CAPN8: variants seen among roughly 807,000 people sequenced by gnomAD.
The protein encoded by CAPN8 is calpain-8.
In CAPN8, 87 loss-of-function variants were observed where a neutral mutation model predicts 80.9. The observed-to-expected ratio is 1.07, with a 90% CI of 0.90 to 1.28. The LOEUF is 1.28. Ranked by LOEUF, CAPN8 falls within the 50% of genes most tolerant of loss-of-function variation. CAPN8 has a pLI of 0.00. For synonymous variants in CAPN8, 299 were observed against 273.8 expected (o/e 1.09, Z -0.91); for missense variants, 757 against 702.0 (o/e 1.08, Z -0.89).
At chr1:223,632,485 A>G (rs1039557870) in intron 2 of CAPN8, among the ~76,000 whole-genome samples, 2 of 151,926 alleles carry the variant, frequency 1.3e-5, no homozygotes, top group African/African-American at 4.8e-5. Context: ...CAGTCCTCCC[A>G]CCTCAGCCTC....
At chr1:223,637,969 A>G (rs1411611696) in intron 2 of CAPN8, among the ~76,000 whole-genome samples, 1 of 152,168 alleles carries the variant, frequency 6.6e-6, no homozygotes, top group Non-Finnish European at 1.5e-5. Context: ...AGCAAAAAGG[A>G]CTTACTTGTA....
chr1:223,616,563 T>C (rs1049591138), intron 9 of CAPN8, among the ~76,000 whole-genome samples: 80 of 152,232 alleles, frequency 5.3e-4, no homozygotes, highest in African/African-American at 1.8e-3. Context: ...GATCTCTGGG[T>C]AAAAAGCATG....
At chr1:223,639,089 A>G (rs1657981212) in intron 2 of CAPN8, among the ~76,000 whole-genome samples, 1 of 151,978 alleles carries the variant, frequency 6.6e-6, no homozygotes, top group African/African-American at 2.4e-5. Flanking sequence ...AAAATACAAA[A>G]ATTAGCTGGA....
intron 12 of CAPN8, among the ~76,000 whole-genome samples, chr1:223,558,822 G>T (rs931955919): frequency 5.9e-4 from 88 of 149,580 alleles, no homozygotes; most frequent in Middle Eastern, 3.4e-3. Flanking sequence ...TAGTATGTGT[G>T]CTGCATGTGT....
chr1:223,664,820 T>A (rs553069341), intron 1 of CAPN8, among the ~76,000 whole-genome samples: 3 of 152,252 alleles, frequency 2.0e-5, no homozygotes, highest in African/African-American at 7.2e-5. Flanking sequence ...GTGCCTATAA[T>A]CCCAGCTACT....
At chr1:223,615,847 G>A (rs1029514753) in intron 10 of CAPN8, 123 bp downstream of exon 10, 2 of 1,219,144 alleles carry the variant, frequency 1.6e-6, no homozygotes, top group African/African-American at 1.5e-5. Flanking sequence ...ATATAGAGGA[G>A]CAAGGACGCT....
chr1:223,658,073 C>T (rs1055264410), intron 1 of CAPN8, among the ~76,000 whole-genome samples: 1 of 152,282 alleles, frequency 6.6e-6, no homozygotes, highest in Admixed American at 6.5e-5. Context: ...GTCCTCAACC[C>T]TCTGAGATTA....
At chr1:223,626,146 A>G (rs1657570441) in intron 5 of CAPN8, among the ~76,000 whole-genome samples, 1 of 152,050 alleles carries the variant, frequency 6.6e-6, no homozygotes, top group Non-Finnish European at 1.5e-5. Flanking sequence ...CCACCAAGAA[A>G]CTGGGAAGTC....
chr1:223,658,104 A>T (rs1267251112), intron 1 of CAPN8, among the ~76,000 whole-genome samples: 1 of 152,158 alleles, frequency 6.6e-6, no homozygotes. Flanking sequence ...TACAGCAGTA[A>T]CACCCCTAAG....
At chr1:223,544,266 C>A in intron 18 of CAPN8, 83 bp from the exon 19 acceptor site, 1 of 684,244 alleles carries the variant, frequency 1.5e-6, no homozygotes, top group Non-Finnish European at 2.7e-6. Context: ...GCTGACATCC[C>A]AGGGGCCCCT....
At chr1:223,640,735 G>A (rs766173782) in intron 2 of CAPN8, among the ~76,000 whole-genome samples, 8 of 152,044 alleles carry the variant, frequency 5.3e-5, no homozygotes, top group Non-Finnish European at 7.3e-5. Flanking sequence ...CATCATCCAG[G>A]AGCAGTAATT....
chr1:223,657,928 C>A (rs1658542642), intron 1 of CAPN8, among the ~76,000 whole-genome samples: 1 of 152,010 alleles, frequency 6.6e-6, no homozygotes, highest in Non-Finnish European at 1.5e-5. Flanking sequence ...TTGGCTATTC[C>A]CTCTCTGAAA....
intron 6 of CAPN8, among the ~76,000 whole-genome samples, chr1:223,624,007 A>G (rs1657484934): frequency 6.7e-6 from 1 of 150,120 alleles, no homozygotes; most frequent in African/African-American, 2.5e-5. Flanking sequence ...TGAAAAAAAA[A>G]AAAAAGAAAA....
At chr1:223,557,924 G>A (rs948508066) in intron 13 of CAPN8, among the ~76,000 whole-genome samples, 1 of 152,168 alleles carries the variant, frequency 6.6e-6, no homozygotes, top group Non-Finnish European at 1.5e-5. Flanking sequence ...CCTCCCCCAG[G>A]GGGTAGGGAT....
At chr1:223,650,052 C>G (rs768523209) in intron 2 of CAPN8, among the ~76,000 whole-genome samples, 53 of 152,320 alleles carry the variant, frequency 3.5e-4, no homozygotes, top group African/African-American at 1.2e-3. Flanking sequence ...ACCAAGAAGA[C>G]TACCCGTGCA....
chr1:223,661,499 G>A (rs769654666), intron 1 of CAPN8, among the ~76,000 whole-genome samples: 1 of 152,050 alleles, frequency 6.6e-6, no homozygotes, highest in African/African-American at 2.4e-5. Flanking sequence ...GCATTGTTAC[G>A]AGTGCCTGTA....
rs1657371589 is a variant in CAPN8 at position 223,620,963 on chromosome 1, T to A, written c.900-697A>T. On this transcript the variant is annotated intron_variant, in intron 7 of 20. Transcript: ENST00000366872. ...AGTAACAGAGCAGTATCAAGATCCA[T>A]CTTTAAAAAAAAAAAAATCCCTGCC... Among the ~76,000 whole-genome samples, 4 of 72,062 alleles carry A rather than the reference T, an allele frequency of 5.6e-5. No individual in the cohort carries two copies. The South Asian group carries it at 1.9e-3, about 33-fold the overall frequency. The allele number at this position is 72,062 out of a possible 152,430, so 47.3% of individuals were successfully genotyped here.
Position 223,616,018 on chromosome 1 carries a change from C to T in CAPN8, c.1263G>A (p.Arg421=). The T allele has an allele frequency of 6.4e-7, 1 of 1,552,308 alleles. No individual in the cohort carries two copies. The highest frequency in any genetic ancestry group is 8.7e-7 in the Non-Finnish European group (1 of 1,147,136). ...TAAGCATGCCTTGTCCTATCCGCTT[C>T]CGCCACCTGCGATTTTTCTGCATCA... The part of the protein sequence containing the change: ...LGLMQKNRRW[R]KRIGQGMLSI... Residue 421 remains arginine (R), a synonymous_variant, in exon 10 of 21, where the codon CGG becomes CGA. Coordinates refer to ENST00000366872, the MANE Select transcript of CAPN8 (RefSeq NM_001143962.2).
intron 9 of CAPN8, chr1:223,617,942 C>T (rs1477518049): frequency 3.2e-5 from 10 of 315,158 alleles, no homozygotes; most frequent in Middle Eastern, 9.1e-4. Flanking sequence ...CTGCCTGAAC[C>T]GGGAGCTTTG....
Sources: gnomAD v4.1 joint callset for allele counts (sites outside exome capture counted in the v4.1 genomes callset) on GRCh38, gnomAD v4.1.1 for gene constraint, MANE v1.5 for transcripts, NCBI Gene and HGNC (gene_info 2026-07-23, HGNC 2026-07-21) for gene names.